The following CFAP97D2 variants were observed in gnomAD, a reference collection of about 807,000 sequenced individuals.
CFAP97D2 encodes CFAP97 domain containing 2.
chr13:114,201,779 A>C (rs1021423593), intron 3 of CFAP97D2, among the ~76,000 whole-genome samples: 1 of 152,228 alleles, frequency 6.6e-6, no homozygotes, highest in African/African-American at 2.4e-5. Flanking sequence ...TGATGGAATA[A>C]ACATATCTAG....
chr13:114,216,909 A>C (rs890837248), intron 4 of CFAP97D2, among the ~76,000 whole-genome samples: 10 of 152,214 alleles, frequency 6.6e-5, no homozygotes, highest in Non-Finnish European at 7.3e-5. Flanking sequence ...TCCCACCAAC[A>C]GTGTAAAAGT....
intron 4 of CFAP97D2, chr13:114,214,118 A>T (rs1176335227): frequency 6.6e-6 from 1 of 152,434 alleles, no homozygotes; most frequent in African/African-American, 2.4e-5. Context: ...ACCCCTGCGC[A>T]CCTACTTGAA....
At chr13:114,193,257 ATAAT>A (rs1713075256) in intron 1 of CFAP97D2, among the ~76,000 whole-genome samples, 1 of 152,256 alleles carries the variant, frequency 6.6e-6, no homozygotes, top group Admixed American at 6.5e-5. Flanking sequence ...ATTAGTAAAG[ATAAT>A]TAGGGCAGAA....
intron 4 of CFAP97D2, chr13:114,214,267 G>A (rs75782939): frequency 0.065 from 9,931 of 152,232 alleles, 553 homozygotes; most frequent in African/African-American, 0.13. Context: ...ATAGAATCCC[G>A]AAGAGTGAAG....
Position 114,179,921 on chromosome 13 carries a change from G to A in CFAP97D2, c.90+501G>A, listed in dbSNP as rs56026900. Among the ~76,000 whole-genome samples the A allele has an allele frequency of 0.024, 3,707 of 152,282 alleles. 153 individuals are homozygous for A. Among genetic ancestry groups the A allele is most frequent in the African/African-American group, 0.085 (3,522 of 41,538 alleles). The stretch of plus-strand genomic sequence containing the variant: ...CTGCCTCAGCCTCCCAAAGTGCTGG[G>A]ATTACAGGCATGAGCCACCGTGCCC... On this transcript the variant is annotated intron_variant, in intron 1 of 4. Coordinates refer to ENST00000646158, the Ensembl canonical transcript of CFAP97D2. This position sits in a 1 kb window ranked among gnomAD's most constrained non-coding sequence, Gnocchi z 4.8.
Position 114,221,749 on chromosome 13 carries a change from CTT to C in CFAP97D2, c.481-748_481-747del, listed in dbSNP as rs1228826249. ...GGAAATGAAATAAAAGGTACACAAACTTAAAATGAAAAGAAAAAAAAAGAGTG... is the reference window on the plus strand; with the variant it reads ...GGAAATGAAATAAAAGGTACACAAACAAAATGAAAAGAAAAAAAAAGAGTG... On this transcript the variant is annotated intron_variant, in intron 4 of 4. Coordinates refer to ENST00000646158, the Ensembl canonical transcript of CFAP97D2. Among the ~76,000 whole-genome samples, 7 of 125,860 alleles carry C rather than the reference CTT, an allele frequency of 5.6e-5. No homozygotes were observed. In the South Asian group the frequency reaches 7.4e-4, roughly 13 times the overall value. 82.6% of individuals were successfully genotyped at this position (125,860 alleles called of 152,430 possible).
chr13:114,183,115 CCT>C (rs886267544), intron 1 of CFAP97D2, among the ~76,000 whole-genome samples: 1 of 152,136 alleles, frequency 6.6e-6, no homozygotes, highest in African/African-American at 2.4e-5. Flanking sequence ...AGTTAAAACC[CCT>C]GTCTCAGTCC....
chr13:114,207,444 G>A lies in CFAP97D2; in HGVS notation c.291-4468G>A, dbSNP rs1286525200. On this transcript the variant is annotated intron_variant, in intron 3 of 4. Coordinates refer to ENST00000646158, the Ensembl canonical transcript of CFAP97D2. The surrounding 1 kb of genome is among the most constrained non-coding windows in gnomAD (Gnocchi z 4.9). Reference sequence around the variant, plus strand: ...AACTAGATGGTCCCATCTAGGGATCGTGTGGAGACAGTGACAGATCATCAG... The same window carrying A: ...AACTAGATGGTCCCATCTAGGGATCATGTGGAGACAGTGACAGATCATCAG... Among the ~76,000 whole-genome samples the A allele has an allele frequency of 2.6e-5, 4 of 151,630 alleles. No homozygotes were observed. Among genetic ancestry groups the A allele is most frequent in the East Asian group, 1.9e-4 (1 of 5,196 alleles).
chr13:114,188,776 C>CAAAAA (rs35375202), intron 1 of CFAP97D2, among the ~76,000 whole-genome samples: 2 of 65,384 alleles, frequency 3.1e-5, no homozygotes, highest in African/African-American at 1.2e-4. Flanking sequence ...GACTCAATCT[C>CAAAAA]AAAAAAAAAA....
intron 1 of CFAP97D2, among the ~76,000 whole-genome samples, chr13:114,194,680 T>C (rs2080879766): frequency 6.6e-6 from 1 of 152,078 alleles, no homozygotes. Context: ...ACCACACCAC[T>C]GCTTCTACGT....
At position 114,196,193 on chromosome 13, in the gene CFAP97D2, G is replaced by A. The variant is rs530911151; in HGVS notation, c.91-203G>A. On this transcript the variant is annotated intron_variant, in intron 1 of 4. Coordinates refer to ENST00000646158, the Ensembl canonical transcript of CFAP97D2. ...CCACTTAATTCTGTCTTTTAAAAGG[G>A]CAATAGAGGCTCATTTCTGAGGGTG... Among the ~76,000 whole-genome samples the A allele has an allele frequency of 4.6e-5, 7 of 152,104 alleles. No individual in the cohort carries two copies. In the East Asian group the frequency reaches 1.4e-3, roughly 29 times the overall value.
At chr13:114,205,478 T>G (rs139842420) in intron 3 of CFAP97D2, among the ~76,000 whole-genome samples, 1 of 152,368 alleles carries the variant, frequency 6.6e-6, no homozygotes, top group East Asian at 1.9e-4. Context: ...ATTTTCTATA[T>G]GCAAGATCAT....
rs2080855315 is a variant in CFAP97D2 at position 114,187,127 on chromosome 13, T to C, written c.90+7707T>C. Among the ~76,000 whole-genome samples the C allele has an allele frequency of 6.6e-6, 1 of 152,224 alleles. No individual in the cohort carries two copies. Among genetic ancestry groups the C allele is most frequent in the African/African-American group, 2.4e-5 (1 of 41,454 alleles). ...TATTTGAAAGTGGACTTGAGTTATTTGTAAGTACATATTGCAAATCCTAGG... is the reference window on the plus strand; with the variant it reads ...TATTTGAAAGTGGACTTGAGTTATTCGTAAGTACATATTGCAAATCCTAGG... On this transcript the variant is annotated intron_variant, in intron 1 of 4. Coordinates refer to ENST00000646158, the Ensembl canonical transcript of CFAP97D2. The surrounding 1 kb of genome is among the most constrained non-coding windows in gnomAD (Gnocchi z 4.2).
intron 3 of CFAP97D2, among the ~76,000 whole-genome samples, chr13:114,202,111 A>G (rs1468350461): frequency 2.6e-5 from 4 of 152,228 alleles, no homozygotes; most frequent in Non-Finnish European, 5.9e-5. Context: ...TTCATCAAGT[A>G]TCTGCGTTTT....
At chr13:114,202,208 C>A (rs2080921252) in intron 3 of CFAP97D2, among the ~76,000 whole-genome samples, 1 of 152,212 alleles carries the variant, frequency 6.6e-6, no homozygotes, top group South Asian at 2.1e-4. Flanking sequence ...TGTTGATGAG[C>A]ATTTGGGTGG....
chr13:114,201,267 A>AGTTAATTCTAATGAAGGG (rs1235863614), intron 3 of CFAP97D2, among the ~76,000 whole-genome samples: 1 of 152,236 alleles, frequency 6.6e-6, no homozygotes, highest in Non-Finnish European at 1.5e-5. Flanking sequence ...TGATTGTGAT[A>AGTTAATTCTAATGAAGGG]GTTAATTCTA....
At chr13:114,192,560 C>A (rs1271217435) in intron 1 of CFAP97D2, among the ~76,000 whole-genome samples, 1 of 152,084 alleles carries the variant, frequency 6.6e-6, no homozygotes, top group Non-Finnish European at 1.5e-5. Flanking sequence ...ATCAGAAAAT[C>A]CAATCCTGCT....
chr13:114,217,773 A>C (rs1451602980), intron 4 of CFAP97D2, among the ~76,000 whole-genome samples: 1 of 152,202 alleles, frequency 6.6e-6, no homozygotes, highest in Non-Finnish European at 1.5e-5. Flanking sequence ...AATGACAAAA[A>C]CCACATGATT....
intron 1 of CFAP97D2, 112 bp from the exon 2 acceptor site, chr13:114,196,284 C>A (rs2138761947): frequency 2.5e-6 from 1 of 397,682 alleles, no homozygotes; most frequent in Non-Finnish European, 4.4e-6. Context: ...GAACTTCAGG[C>A]CGTGTGCTGA....
Sources: allele counts gnomAD v4.1 joint callset (sites outside exome capture counted in the v4.1 genomes callset), GRCh38; gene constraint gnomAD v4.1.1; non-coding constraint Gnocchi (gnomAD v3.1); transcripts MANE v1.5; gene names NCBI Gene and HGNC (gene_info 2026-07-23, HGNC 2026-07-21).